CCDC171: variants seen among roughly 807,000 people sequenced by gnomAD.
CCDC171 encodes coiled-coil domain-containing protein 171.
Under a neutral mutation model 168.2 loss-of-function variants are expected in CCDC171, and 177 were observed. That is an observed-to-expected ratio of 1.05 (90% CI 0.93 to 1.19). CCDC171 has a LOEUF of 1.19. Among genes scored for constraint, CCDC171 ranks in the 50% most tolerant of loss-of-function variants. The pLI, the probability that CCDC171 is intolerant of heterozygous loss-of-function variation, is 0.00. For synonymous variants in CCDC171, 687 were observed against 540.8 expected, an observed-to-expected ratio of 1.27 and a Z score of -3.75; for missense variants, 1,991 against 1,539.0, an observed-to-expected ratio of 1.29 and a Z score of -4.91.
At chr9:16,103,375 C>A in the CCDC171 span, among the ~76,000 whole-genome samples, 1 of 152,162 alleles carries the variant, frequency 6.6e-6, no homozygotes, top group African/African-American at 2.4e-5. Context: ...CTTCATTGAA[C>A]CACTTAACTT....
chr9:15,865,585 C>G (rs948582188), intron 23 of CCDC171, among the ~76,000 whole-genome samples: 2 of 152,004 alleles, frequency 1.3e-5, no homozygotes, highest in South Asian at 4.1e-4. Flanking sequence ...TCCACTTCCA[C>G]TTAATGAATA....
At chr9:15,774,544 T>C (rs2057202596) in intron 18 of CCDC171, among the ~76,000 whole-genome samples, 1 of 152,182 alleles carries the variant, frequency 6.6e-6, no homozygotes, top group South Asian at 2.1e-4. Context: ...GAAAACAGTG[T>C]GGAGATTCAT....
the CCDC171 span, among the ~76,000 whole-genome samples, chr9:16,073,223 A>G: frequency 6.6e-6 from 1 of 152,208 alleles, no homozygotes; most frequent in Non-Finnish European, 1.5e-5. Context: ...CCTCCCCAGG[A>G]TGGCACAGCT....
At chr9:15,757,869 G>T (rs977627050) in intron 18 of CCDC171, among the ~76,000 whole-genome samples, 4 of 152,218 alleles carry the variant, frequency 2.6e-5, no homozygotes, top group African/African-American at 9.6e-5. Context: ...TCCACATGGT[G>T]TTGAGCCTAC....
At chr9:15,991,142 C>T (rs149756574) in intron 3 of CCDC171, among the ~76,000 whole-genome samples, 9 of 152,274 alleles carry the variant, frequency 5.9e-5, no homozygotes, top group East Asian at 1.9e-4. Context: ...AGCACCACAT[C>T]GCACTTATTC....
chr9:15,987,758 T>C (rs559909452), intron 3 of CCDC171, among the ~76,000 whole-genome samples: 7 of 152,310 alleles, frequency 4.6e-5, no homozygotes, highest in African/African-American at 1.7e-4. Flanking sequence ...GATTTGGGAT[T>C]TTTTTTCACA....
intron 6 of CCDC171, among the ~76,000 whole-genome samples, chr9:15,607,135 A>AC (rs899482275): frequency 7.9e-5 from 12 of 152,126 alleles, no homozygotes; most frequent in South Asian, 2.1e-4. Context: ...TGAACATACA[A>AC]CCCCCCCAGG....
chr9:15,600,504 C>T (rs1037697757), intron 6 of CCDC171, among the ~76,000 whole-genome samples: 11 of 152,134 alleles, frequency 7.2e-5, no homozygotes, highest in Admixed American at 3.3e-4. Context: ...GAAGTTTTGT[C>T]GCAGAGGAGT....
rs1001775741 is a variant in CCDC171 at position 15,698,349 on chromosome 9, G to A, written c.1318+3012G>A. On this transcript the variant is annotated intron_variant, in intron 11 of 25. Coordinates refer to ENST00000380701, the MANE Select transcript of CCDC171 (RefSeq NM_173550.4). ...ATCCTGGCTAACACGGTGAAACACC[G>A]TCTCTACTAAAAATACAAAAAATTA... is the stretch of plus-strand genomic sequence containing the variant. Among the ~76,000 whole-genome samples, 10 of 152,032 alleles carry A rather than the reference G, an allele frequency of 6.6e-5. No individual in the cohort carries two copies. In the East Asian group the frequency reaches 1.4e-3, roughly 21 times the overall value.
intron 6 of CCDC171, among the ~76,000 whole-genome samples, chr9:15,604,384 A>G (rs79721562): frequency 0.018 from 2,788 of 152,320 alleles, 151 homozygotes; most frequent in Admixed American, 0.11. Flanking sequence ...CTAAACTATC[A>G]TGCCCCTCCT....
chr9:15,637,937 CAT>C (rs1163243213), intron 7 of CCDC171, among the ~76,000 whole-genome samples: 1 of 152,048 alleles, frequency 6.6e-6, no homozygotes, highest in Non-Finnish European at 1.5e-5. Context: ...CATACGTGTG[CAT>C]GTGTCTTTAT....
At chr9:15,750,887 C>G (rs749134149) in intron 18 of CCDC171, among the ~76,000 whole-genome samples, 1 of 152,160 alleles carries the variant, frequency 6.6e-6, no homozygotes, top group African/African-American at 2.4e-5. Context: ...GATGCTCTCT[C>G]TCACCACTCC....
At chr9:15,697,429 T>C (rs2051300442) in intron 11 of CCDC171, among the ~76,000 whole-genome samples, 1 of 152,230 alleles carries the variant, frequency 6.6e-6, no homozygotes, top group Non-Finnish European at 1.5e-5. Flanking sequence ...TGATGACCTC[T>C]TCTGAGTATT....
intron 11 of CCDC171, among the ~76,000 whole-genome samples, chr9:15,712,823 A>G (rs1201434824): frequency 1.3e-5 from 2 of 152,194 alleles, no homozygotes; most frequent in South Asian, 2.1e-4. Context: ...ATGGAAGTTC[A>G]TATTGCTGAG....
chr9:16,050,487 AT>A (rs1833733517), intron 1 of CCDC171, among the ~76,000 whole-genome samples: 1 of 152,184 alleles, frequency 6.6e-6, no homozygotes, highest in Non-Finnish European at 1.5e-5. Flanking sequence ...CTCCTGGCAA[AT>A]TATTTAATCA....
intron 8 of CCDC171, among the ~76,000 whole-genome samples, chr9:16,037,036 A>G (rs1419643341): frequency 6.6e-6 from 1 of 152,230 alleles, no homozygotes; most frequent in Non-Finnish European, 1.5e-5. Flanking sequence ...GGTTACGGAT[A>G]CAAAATTACA....
At chr9:15,640,264 G>A (rs1486458711) in intron 7 of CCDC171, among the ~76,000 whole-genome samples, 1 of 152,018 alleles carries the variant, frequency 6.6e-6, no homozygotes, top group Non-Finnish European at 1.5e-5. Flanking sequence ...AAGACCAGTT[G>A]GACTTCCTTC....
intron 21 of CCDC171, among the ~76,000 whole-genome samples, chr9:15,789,972 G>T (rs914758548): frequency 6.6e-6 from 1 of 152,114 alleles, no homozygotes; most frequent in African/African-American, 2.4e-5. Flanking sequence ...TGGTGTATAT[G>T]TGCCACCTTT....
intron 7 of CCDC171, among the ~76,000 whole-genome samples, chr9:15,631,412 G>C (rs2045683174): frequency 6.6e-6 from 1 of 152,138 alleles, no homozygotes; most frequent in Admixed American, 6.5e-5. Flanking sequence ...AAATAAACTA[G>C]AAAATCTTGA....
Sources: gnomAD v4.1 joint callset for allele counts (sites outside exome capture counted in the v4.1 genomes callset) on GRCh38, gnomAD v4.1.1 for gene constraint, MANE v1.5 for transcripts, NCBI Gene and HGNC (gene_info 2026-07-23, HGNC 2026-07-21) for gene names.